MILR1: variants seen among roughly 807,000 people sequenced by gnomAD.
MILR1 encodes the protein mast cell immunoglobulin like receptor 1, also known as allergin-1.
Under a neutral mutation model 18.5 loss-of-function variants are expected in MILR1, and 31 were observed. That is an observed-to-expected ratio of 1.68 (90% CI 1.26 to 2.26). The LOEUF is 2.26. Among genes scored for constraint, MILR1 ranks in the 30% most tolerant of loss-of-function variants. MILR1 has a pLI of 0.00. For synonymous variants in MILR1, 85 were observed against 56.2 expected (o/e 1.51, Z -2.30); for missense variants, 257 against 157.4 (o/e 1.63, Z -3.38).
At chr17:64,453,266 A>G (rs1270639692) in intron 3 of MILR1, among the ~76,000 whole-genome samples, 2 of 151,810 alleles carry the variant, frequency 1.3e-5, no homozygotes, top group Non-Finnish European at 2.9e-5. Context: ...ACGAGGTTTC[A>G]CCATGTTGGT....
At chr17:64,479,163 T>G in the MILR1 span, among the ~76,000 whole-genome samples, 2 of 151,804 alleles carry the variant, frequency 1.3e-5, no homozygotes, top group African/African-American at 4.8e-5. Context: ...CTACTTTTCT[T>G]TGGACATCAT....
chr17:64,492,668 T>C, the MILR1 span: 2 of 1,586,486 alleles, frequency 1.3e-6, no homozygotes, highest in Non-Finnish European at 1.7e-6. Context: ...TTGCAGTACC[T>C]TTCTCCACCA....
intron 5 of MILR1, among the ~76,000 whole-genome samples, chr17:64,463,174 T>C (rs1024364412): frequency 6.6e-6 from 1 of 152,216 alleles, no homozygotes; most frequent in East Asian, 1.9e-4. Context: ...TACAGCTTTT[T>C]TAAAAAAATG....
At chr17:64,450,181 G>A (rs2037136874) in intron 2 of MILR1, among the ~76,000 whole-genome samples, 2 of 151,978 alleles carry the variant, frequency 1.3e-5, no homozygotes, top group South Asian at 2.1e-4. Context: ...CTCGTGATCC[G>A]CCCACCTTGG....
At chr17:64,495,493 C>A in the MILR1 span, among the ~76,000 whole-genome samples, 1 of 152,006 alleles carries the variant, frequency 6.6e-6, no homozygotes, top group Non-Finnish European at 1.5e-5. Context: ...GTGGGAGGTT[C>A]ACTTGAGCCC....
At chr17:64,449,947 T>TTTCTTTCTTTC (rs1555660533) in intron 2 of MILR1, among the ~76,000 whole-genome samples, 39 of 33,402 alleles carry the variant, frequency 1.2e-3, no homozygotes, top group African/African-American at 2.6e-3. Flanking sequence ...TCTTTCTTTC[T>TTTCTTTCTTTC]TTTTTTTTTT....
At chr17:64,472,022 G>A (rs1555664666), downstream of MILR1, among the ~76,000 whole-genome samples, 2 of 152,172 alleles carry the variant, frequency 1.3e-5, no homozygotes, top group South Asian at 2.1e-4. Context: ...AGAAGAGCTA[G>A]AAGAATATGC....
chr17:64,496,241 C>T, the MILR1 span, among the ~76,000 whole-genome samples: 4 of 152,268 alleles, frequency 2.6e-5, no homozygotes, highest in South Asian at 8.3e-4. Flanking sequence ...GACCAGTTTT[C>T]TCCAGGGTAG....
the MILR1 span, among the ~76,000 whole-genome samples, chr17:64,482,323 A>C: frequency 7.0e-6 from 1 of 143,510 alleles, no homozygotes; most frequent in South Asian, 2.1e-4. Context: ...AGGCAAATTA[A>C]AAACTTTTTT....
At chr17:64,491,106 A>G in the MILR1 span, 1 of 718,698 alleles carries the variant, frequency 1.4e-6, no homozygotes, top group Admixed American at 2.5e-5. Context: ...TCCCGAATAC[A>G]AATTTTAAAG....
chr17:64,457,804 C>G, intron 4 of MILR1, 120 bp downstream of exon 4: 1 of 456,990 alleles, frequency 2.2e-6, no homozygotes, highest in Non-Finnish European at 3.9e-6. Flanking sequence ...TCTGAAGGTG[C>G]ATTTGTCAAG....
intron 5 of MILR1, 53 bp downstream of exon 5, chr17:64,460,985 G>C: frequency 2.1e-6 from 1 of 467,860 alleles, no homozygotes; most frequent in Non-Finnish European, 3.9e-6. Flanking sequence ...TTGGGATACA[G>C]ACAGCAGGAC....
the MILR1 span, chr17:64,491,663 C>G: frequency 4.5e-6 from 6 of 1,327,602 alleles, no homozygotes; most frequent in Non-Finnish European, 6.5e-6. Flanking sequence ...GGTACTACAA[C>G]AAGTACATCA....
chr17:64,496,542 T>C, the MILR1 span: 5 of 1,613,910 alleles, frequency 3.1e-6, no homozygotes, highest in Non-Finnish European at 4.2e-6. Context: ...CTGAAGGCAC[T>C]GTCCCCGGGT....
At chr17:64,456,731 G>A (rs996034753) in intron 3 of MILR1, among the ~76,000 whole-genome samples, 9 of 152,162 alleles carry the variant, frequency 5.9e-5, no homozygotes, top group African/African-American at 2.2e-4. Flanking sequence ...GAGCCTGGGA[G>A]TTTGAGGTTA....
At chr17:64,459,588 C>T (rs888243566) in intron 4 of MILR1, among the ~76,000 whole-genome samples, 1 of 152,178 alleles carries the variant, frequency 6.6e-6, no homozygotes, top group African/African-American at 2.4e-5. Flanking sequence ...GTGAGGCAGC[C>T]TGCTGGAGTC....
downstream of MILR1, among the ~76,000 whole-genome samples, chr17:64,472,206 C>A (rs888667803): frequency 6.6e-6 from 1 of 151,826 alleles, no homozygotes; most frequent in East Asian, 1.9e-4. Flanking sequence ...AGGGGCCGGG[C>A]GCAGTGGCTC....
intron 6 of MILR1, 136 bp from the exon 7 acceptor site, chr17:64,466,306 C>A: frequency 1.3e-6 from 1 of 740,744 alleles, no homozygotes; most frequent in South Asian, 1.6e-5. Flanking sequence ...AGGACACAGT[C>A]AAACCCTATC....
At chr17:64,469,761 G>C (rs1256210992), downstream of MILR1, among the ~76,000 whole-genome samples, 5 of 152,162 alleles carry the variant, frequency 3.3e-5, no homozygotes, top group African/African-American at 1.2e-4. Context: ...GACCCACGCT[G>C]CTGTGGGCTC....
Sources: gnomAD v4.1 joint callset for allele counts (sites outside exome capture counted in the v4.1 genomes callset) on GRCh38, gnomAD v4.1.1 for gene constraint, MANE v1.5 for transcripts, NCBI Gene and HGNC (gene_info 2026-07-23, HGNC 2026-07-21) for gene names.